TYW1B: variants seen among roughly 807,000 people sequenced by gnomAD.
TYW1B encodes tRNA-yW synthesizing protein 1 homolog B.
In TYW1B, 73 loss-of-function variants were observed where a neutral mutation model predicts 86.9. The ratio of observed to expected loss-of-function variants is 0.84; its 90% CI spans 0.70 to 1.02. The LOEUF (loss-of-function observed/expected upper bound fraction) is 1.02, where lower values mean the gene tolerates loss of function less well. TYW1B is among the 50% of genes least tolerant of loss of function. TYW1B has a pLI of 0.00. For synonymous variants in TYW1B, 248 were observed against 292.8 expected (o/e 0.85, Z 1.56); for missense variants, 637 against 827.4 (o/e 0.77, Z 2.82).
chr7:72,773,430 T>G (rs1417367651), intron 7 of TYW1B, among the ~76,000 whole-genome samples: 15 of 152,152 alleles, frequency 9.9e-5, no homozygotes, highest in Non-Finnish European at 1.6e-4. Flanking sequence ...ACACTTAAGG[T>G]GAGCCCTCCC....
chr7:72,684,527 G>A (rs1554448956), intron 11 of TYW1B, among the ~76,000 whole-genome samples: 1 of 152,004 alleles, frequency 6.6e-6, no homozygotes, highest in South Asian at 2.1e-4. Context: ...CGGAAACTGG[G>A]GGAATTTGTT....
chr7:72,693,688 C>A (rs1400167101), intron 11 of TYW1B, among the ~76,000 whole-genome samples: 1 of 152,092 alleles, frequency 6.6e-6, no homozygotes, highest in Non-Finnish European at 1.5e-5. Context: ...AGCTACCACA[C>A]CTGGCCTGCA....
Position 72,766,613 on chromosome 7 carries a change from C to CAAAAA in TYW1B, c.964+10798_964+10802dup, listed in dbSNP as rs56738770. Among the ~76,000 whole-genome samples, 8 of 82,912 alleles carry CAAAAA rather than the reference C, an allele frequency of 9.6e-5. 1 individual carries two copies. The highest frequency in any genetic ancestry group is 7.4e-4 in the East Asian group (2 of 2,698). 54.4% of individuals were successfully genotyped at this position (82,912 alleles called of 152,430 possible). Reference sequence around the variant, plus strand: ...TGGGCAACAGAGTGAGATTCAGTCTCAAAAAAAAAAAAAAAAAAAACATAA... The same window carrying CAAAAA: ...TGGGCAACAGAGTGAGATTCAGTCTCAAAAAAAAAAAAAAAAAAAAAAAAACATAA... On this transcript the variant is annotated intron_variant, in intron 7 of 13. Transcript: ENST00000620995.
intron 11 of TYW1B, among the ~76,000 whole-genome samples, chr7:72,651,201 T>C (rs2129569211): frequency 6.6e-6 from 1 of 152,274 alleles, no homozygotes; most frequent in South Asian, 2.1e-4. Flanking sequence ...GAAACTTAAT[T>C]ATGAGAGGCA....
intron 11 of TYW1B, among the ~76,000 whole-genome samples, chr7:72,647,522 T>A (rs1166462481): frequency 2.6e-5 from 4 of 152,240 alleles, no homozygotes; most frequent in Non-Finnish European, 5.9e-5. Flanking sequence ...ACACTAAAGA[T>A]GTTATTTCAG....
chr7:72,754,075 C>G (rs1787547253), intron 7 of TYW1B, among the ~76,000 whole-genome samples: 1 of 152,132 alleles, frequency 6.6e-6, no homozygotes, highest in South Asian at 2.1e-4. Context: ...TATAAACAAG[C>G]CTGTCTTGAT....
chr7:72,624,481 A>G (rs1275790043), intron 12 of TYW1B, among the ~76,000 whole-genome samples: 1 of 152,248 alleles, frequency 6.6e-6, no homozygotes, highest in African/African-American at 2.4e-5. Flanking sequence ...ACTGCATAAT[A>G]AATATTATTC....
intron 2 of TYW1B, among the ~76,000 whole-genome samples, chr7:72,821,802 G>A (rs1482079612): frequency 2.0e-5 from 3 of 152,146 alleles, no homozygotes; most frequent in Admixed American, 2.0e-4. Flanking sequence ...GAAATTGTAA[G>A]GATTACAAGT....
At chr7:72,733,282 T>C (rs1203937438) in intron 8 of TYW1B, among the ~76,000 whole-genome samples, 2 of 151,998 alleles carry the variant, frequency 1.3e-5, no homozygotes, top group South Asian at 2.1e-4. Flanking sequence ...ACGAGGCCAG[T>C]ATTACCCTGA....
At chr7:72,612,757 TA>T (rs1359523938) in intron 13 of TYW1B, among the ~76,000 whole-genome samples, 21 of 151,952 alleles carry the variant, frequency 1.4e-4, no homozygotes, top group African/African-American at 5.1e-4. Flanking sequence ...TTTATTTATT[TA>T]TTTTTTTTTT....
rs571026925 is a variant in TYW1B at position 72,610,966 on chromosome 7, T to C, written c.1785+5706A>G. The stretch of plus-strand genomic sequence containing the variant: ...ACATTTAGGATGCCATTCAATGCTA[T>C]CTGTGATCTTAACCCTGCCTAATAA... On this transcript the variant is annotated intron_variant, in intron 13 of 13. Transcript: ENST00000620995. Among the ~76,000 whole-genome samples, 112 of 152,298 alleles carry C rather than the reference T, an allele frequency of 7.4e-4. 1 individual carries two copies. In the South Asian group the frequency reaches 0.022, roughly 30 times the overall value.
chr7:72,651,149 A>G (rs190376778), intron 11 of TYW1B, among the ~76,000 whole-genome samples: 35 of 152,350 alleles, frequency 2.3e-4, no homozygotes, highest in Admixed American at 4.6e-4. Context: ...ACTAACCGAT[A>G]TAACACAGTA....
intron 11 of TYW1B, among the ~76,000 whole-genome samples, chr7:72,632,228 C>T (rs1812508639): frequency 7.1e-6 from 1 of 141,178 alleles, no homozygotes; most frequent in Non-Finnish European, 1.5e-5. Context: ...CAACGCACTC[C>T]AGCCTGGGTG....
chr7:72,762,962 AAGGT>A (rs1414556144), intron 7 of TYW1B, among the ~76,000 whole-genome samples: 1 of 151,982 alleles, frequency 6.6e-6, no homozygotes, highest in Non-Finnish European at 1.5e-5. Context: ...ACCCAGCCAC[AAGGT>A]ACTAGTTTTC....
chr7:72,575,406 C>T lies in TYW1B; in HGVS notation c.*92G>A, dbSNP rs1237143913. On this transcript the variant is annotated 3_prime_UTR_variant, in exon 14 of 14. Coordinates refer to ENST00000620995, the MANE Select transcript of TYW1B (RefSeq NM_001145440.3). ...CTCCTTTGTATGAAAGTATAATTTACGTAATTCGTCCTTGGAGAATCAGAG... is the reference window on the plus strand; with the variant it reads ...CTCCTTTGTATGAAAGTATAATTTATGTAATTCGTCCTTGGAGAATCAGAG... The T allele has an allele frequency of 2.7e-5, 40 of 1,506,206 alleles. No individual in the cohort carries two copies. The highest frequency in any genetic ancestry group is 3.5e-5 in the Non-Finnish European group (39 of 1,129,918). 93.3% of individuals were successfully genotyped at this position (1,506,206 alleles called of 1,614,324 possible). A position where few individuals can be genotyped will look rare whatever the true frequency, so the allele number is the denominator to read the frequency against.
intron 8 of TYW1B, among the ~76,000 whole-genome samples, chr7:72,743,147 GA>G (rs1787333648): frequency 6.6e-6 from 1 of 152,194 alleles, no homozygotes; most frequent in African/African-American, 2.4e-5. Flanking sequence ...ATTCAGAAAA[GA>G]GACTGAGACT....
At chr7:72,632,425 AATATATAT>A (rs1368056863) in intron 11 of TYW1B, among the ~76,000 whole-genome samples, 1 of 92,510 alleles carries the variant, frequency 1.1e-5, no homozygotes, top group African/African-American at 6.2e-5. Context: ...ATATATATAA[AATATATAT>A]ATACGTATAT....
chr7:72,732,266 C>T (rs1158867332), intron 8 of TYW1B, among the ~76,000 whole-genome samples: 13 of 152,160 alleles, frequency 8.5e-5, no homozygotes, highest in Non-Finnish European at 1.5e-4. Flanking sequence ...CAGATTTAAA[C>T]CATAGGACAA....
chr7:72,692,564 G>GGC (rs1814196970), intron 11 of TYW1B, among the ~76,000 whole-genome samples: 1 of 152,040 alleles, frequency 6.6e-6, no homozygotes, highest in African/African-American at 2.4e-5. Flanking sequence ...TACTATGCTA[G>GGC]ACATTGTGCA....
Sources: allele counts gnomAD v4.1 joint callset (sites outside exome capture counted in the v4.1 genomes callset), GRCh38; gene constraint gnomAD v4.1.1; transcripts MANE v1.5; gene names NCBI Gene and HGNC (gene_info 2026-07-23, HGNC 2026-07-21).